FXYD2: variants seen among roughly 807,000 people sequenced by gnomAD.
FXYD2 encodes the protein FXYD domain containing ion transport regulator 2, also known as sodium/potassium-transporting ATPase subunit gamma.
Under a neutral mutation model 11.8 loss-of-function variants are expected in FXYD2, and 8 were observed. The observed-to-expected ratio is 0.68, with a 90% CI of 0.40 to 1.22. The LOEUF is 1.22. Ranked by LOEUF, FXYD2 falls within the 50% of genes most tolerant of loss-of-function variation. The pLI is 0.01. For synonymous variants in FXYD2, 42 were observed against 33.3 expected (o/e 1.26, Z -0.90); for missense variants, 92 against 91.8 (o/e 1.00, Z -0.01).
At chr11:117,824,838 T>G, upstream of FXYD2, 12 of 890,154 alleles carry the variant, frequency 1.3e-5, no homozygotes, top group African/African-American at 1.6e-5. This position sits in a 1 kb window ranked among gnomAD's most constrained non-coding sequence, Gnocchi z 4.0. Flanking sequence ...AAAGCTGCAG[T>G]GTGGATGGAG....
intron 3 of FXYD2, 37 bp from the exon 4 acceptor site, chr11:117,820,932 A>G (rs2055886915): frequency 6.2e-7 from 1 of 1,613,684 alleles, no homozygotes; most frequent in Non-Finnish European, 8.5e-7. Flanking sequence ...TCCATGGACT[A>G]ATTTTCCAAG....
upstream of FXYD2, among the ~76,000 whole-genome samples, chr11:117,827,761 A>G (rs1440940710): frequency 6.6e-6 from 1 of 152,208 alleles, no homozygotes; most frequent in African/African-American, 2.4e-5. Flanking sequence ...AGACAAGTAA[A>G]TGAGGCAGTT....
chr11:117,827,953 A>T, upstream of FXYD2: 1 of 1,326,348 alleles, frequency 7.5e-7, no homozygotes, highest in Non-Finnish European at 1.1e-6. Context: ...CACCTGTGTT[A>T]GAGCCTGAGC....
rs2055985170 is a variant in FXYD2, at chr11:117,824,258, C to T, written c.25+396G>A. On this transcript the variant is annotated intron_variant, in intron 1 of 5. Coordinates refer to ENST00000292079, the MANE Select transcript of FXYD2 (RefSeq NM_001680.5). This position sits in a 1 kb window ranked among gnomAD's most constrained non-coding sequence, Gnocchi z 4.0. ...GTGACTTGAACTTGGCGGGCTCTCA[C>T]CCCAAATCCAGCCTAGGAAGGCTGA... 1 of 328,378 alleles carries T rather than the reference C, an allele frequency of 3.0e-6. No individual in the cohort carries two copies. Among genetic ancestry groups the T allele is most frequent in the Middle Eastern group, 1.0e-3 (1 of 986 alleles). 20.3% of individuals were successfully genotyped at this position (328,378 alleles called of 1,614,324 possible). A position where few individuals can be genotyped will look rare whatever the true frequency, so the allele number is the denominator to read the frequency against.
At chr11:117,824,799 G>A, upstream of FXYD2, 1 of 1,255,570 alleles carries the variant, frequency 8.0e-7, no homozygotes, top group Non-Finnish European at 1.1e-6. This position sits in a 1 kb window ranked among gnomAD's most constrained non-coding sequence, Gnocchi z 4.0. Context: ...CATTAACAGT[G>A]CCAGGTAATA....
intron 3 of FXYD2, 144 bp from the exon 4 acceptor site, chr11:117,821,039 CTA>C: frequency 1.1e-6 from 1 of 933,256 alleles, no homozygotes; most frequent in Non-Finnish European, 1.6e-6. Context: ...TTGACTGTCT[CTA>C]TTTTATTTTA....
At chr11:117,821,931 C>T (rs2055915062) in intron 3 of FXYD2, 2 of 1,034,802 alleles carry the variant, frequency 1.9e-6, no homozygotes, top group East Asian at 8.9e-5. Flanking sequence ...GCTGTGTGCC[C>T]CTCGGGGCTT....
upstream of FXYD2, among the ~76,000 whole-genome samples, chr11:117,827,529 G>A (rs980189616): frequency 8.5e-5 from 13 of 152,224 alleles, no homozygotes; most frequent in African/African-American, 1.4e-4. Context: ...AATTACAGGC[G>A]TGAGCCACCA....
At position 117,822,754 on chromosome 11, in the gene FXYD2, C is replaced by G; in HGVS notation, c.26-37G>C. 2 of 1,598,796 alleles carry G rather than the reference C, an allele frequency of 1.3e-6. No homozygotes were observed. Among genetic ancestry groups the G allele is most frequent in the Non-Finnish European group, 1.7e-6 (2 of 1,175,346 alleles). On this transcript the variant is annotated intron_variant, in intron 1 of 5. Transcript: ENST00000292079. This position sits in a 1 kb window ranked among gnomAD's most constrained non-coding sequence, Gnocchi z 4.7. ...CCAGAGGTGGGATGAGAGGAGTCAC[C>G]GATGGTGAGCCAGCCACAGGAACAG...
chr11:117,827,525 A>G (rs1396320444), upstream of FXYD2, among the ~76,000 whole-genome samples: 1 of 152,258 alleles, frequency 6.6e-6, no homozygotes, highest in African/African-American at 2.4e-5. Context: ...CTGGAATTAC[A>G]GGCGTGAGCC....
chr11:117,827,795 G>T (rs201750922), upstream of FXYD2, among the ~76,000 whole-genome samples: 5 of 152,192 alleles, frequency 3.3e-5, no homozygotes, highest in Non-Finnish European at 5.9e-5. Flanking sequence ...CCCAGCCCTC[G>T]CAGCTCAGAT....
rs1591533800 is a variant in FXYD2, at chr11:117,822,160, T to G, written c.139+246A>C. 1 of 1,414,756 alleles carries G rather than the reference T, an allele frequency of 7.1e-7. No individual in the cohort carries two copies. Among genetic ancestry groups the G allele is most frequent in the Non-Finnish European group, 9.2e-7 (1 of 1,083,712 alleles). The allele number at this position is 1,414,756 out of a possible 1,614,324, so 87.6% of individuals were successfully genotyped here. On this transcript the variant is annotated intron_variant, in intron 3 of 5. Coordinates refer to ENST00000292079, the MANE Select transcript of FXYD2 (RefSeq NM_001680.5). The surrounding 1 kb of genome is among the most constrained non-coding windows in gnomAD (Gnocchi z 4.7). ...TCCGGTTACCCAGTTACCCCGTGGG[T>G]TTGCTCTCACTTCTGCGGCTCCTCC...
upstream of FXYD2, among the ~76,000 whole-genome samples, chr11:117,827,334 C>A (rs1475078827): frequency 6.6e-6 from 1 of 152,176 alleles, no homozygotes; most frequent in African/African-American, 2.4e-5. Flanking sequence ...ACTGCAACCT[C>A]CGCCTCCCGG....
chr11:117,822,131 G>C lies in FXYD2; in HGVS notation c.139+275C>G, dbSNP rs1219608667. The stretch of plus-strand genomic sequence containing the variant: ...GCGGGGGGCCTAGTCCCCCTGTCTG[G>C]CCCTCCGGTTACCCAGTTACCCCGT... On this transcript the variant is annotated intron_variant, in intron 3 of 5. Transcript: ENST00000292079. This position sits in a 1 kb window ranked among gnomAD's most constrained non-coding sequence, Gnocchi z 4.7. 4.6e-5 allele frequency: 63 copies of C among 1,381,248 alleles called. 1 individual carries two copies. Among genetic ancestry groups the C allele is most frequent in the Non-Finnish European group, 5.8e-5 (62 of 1,064,358 alleles). 85.6% of individuals were successfully genotyped at this position (1,381,248 alleles called of 1,614,324 possible).
At chr11:117,820,805 G>T (rs369137285) in intron 4 of FXYD2, 54 bp downstream of exon 4, 6 of 1,609,882 alleles carry the variant, frequency 3.7e-6, no homozygotes, top group Non-Finnish European at 3.4e-6. Flanking sequence ...TCCTCAGCCC[G>T]CCCCTCCTTC....
At chr11:117,823,948 C>T (rs2055976063) in intron 1 of FXYD2, among the ~76,000 whole-genome samples, 1 of 152,192 alleles carries the variant, frequency 6.6e-6, no homozygotes, top group Non-Finnish European at 1.5e-5. Flanking sequence ...AGGTCCCACA[C>T]AGAAGGCCGT....
At position 117,822,272 on chromosome 11, in the gene FXYD2, C is replaced by T; in HGVS notation, c.139+134G>A. The T allele has an allele frequency of 1.3e-6, 2 of 1,535,304 alleles. No individual in the cohort carries two copies. The highest frequency in any genetic ancestry group is 1.8e-6 in the Non-Finnish European group (2 of 1,141,110). ...TGGCACCCCACCGGGCACCCATTCC[C>T]ACATCCTGCAGTGGGGGGCGTGGTG... On this transcript the variant is annotated intron_variant, in intron 3 of 5. Transcript: ENST00000292079. The surrounding 1 kb of genome is among the most constrained non-coding windows in gnomAD (Gnocchi z 4.7).
At chr11:117,828,068 G>T, upstream of FXYD2, 1 of 1,549,786 alleles carries the variant, frequency 6.5e-7, no homozygotes, top group Non-Finnish European at 8.7e-7. Context: ...GGTGCTGCTT[G>T]CCTGGGGCCT....
Position 117,824,424 on chromosome 11 carries a change from A to G in FXYD2, c.25+230T>C. Reference sequence around the variant, plus strand: ...AGGAACGCTCAGCTCTCCAGCTTCTATCTGCTGCCTTTCTGCCACTCAAGC... The same window carrying G: ...AGGAACGCTCAGCTCTCCAGCTTCTGTCTGCTGCCTTTCTGCCACTCAAGC... On this transcript the variant is annotated intron_variant, in intron 1 of 5. Transcript: ENST00000292079. This position sits in a 1 kb window ranked among gnomAD's most constrained non-coding sequence, Gnocchi z 4.0. 1.6e-6 allele frequency: 1 copy of G among 623,010 alleles called. No homozygotes were observed. Among genetic ancestry groups the G allele is most frequent in the Non-Finnish European group, 2.9e-6 (1 of 345,204 alleles). 38.6% of individuals were successfully genotyped at this position (623,010 alleles called of 1,614,324 possible).
Sources: allele counts gnomAD v4.1 joint callset (sites outside exome capture counted in the v4.1 genomes callset), GRCh38; gene constraint gnomAD v4.1.1; non-coding constraint Gnocchi (gnomAD v3.1); transcripts MANE v1.5; gene names NCBI Gene and HGNC (gene_info 2026-07-23, HGNC 2026-07-21).